PRELID2: variants seen among roughly 807,000 people sequenced by gnomAD.
The protein encoded by PRELID2 is PRELI domain-containing protein 2.
PRELID2 carries 25 observed loss-of-function variants against 28.4 expected under a neutral mutation model. The ratio of observed to expected loss-of-function variants is 0.88; its 90% CI spans 0.64 to 1.23. The LOEUF is 1.23. Among genes scored for constraint, PRELID2 ranks in the 50% most tolerant of loss-of-function variants. PRELID2 has a pLI of 0.00. For missense variants in PRELID2, 201 were observed against 214.4 expected (o/e 0.94, Z 0.39); for synonymous variants, 76 against 71.6 (o/e 1.06, Z -0.31).
chr5:145,257,875 C>T, the PRELID2 span, among the ~76,000 whole-genome samples: 1 of 152,054 alleles, frequency 6.6e-6, no homozygotes, highest in Non-Finnish European at 1.5e-5. Context: ...GGAGGTGGGG[C>T]CTGGCGGGAG....
the PRELID2 span, among the ~76,000 whole-genome samples, chr5:145,411,867 G>A: frequency 2.0e-5 from 3 of 152,138 alleles, no homozygotes; most frequent in Non-Finnish European, 4.4e-5. Flanking sequence ...CTTGTCTTCT[G>A]CACACCTGCA....
the PRELID2 span, among the ~76,000 whole-genome samples, chr5:145,272,414 C>T: frequency 1.3e-5 from 2 of 152,098 alleles, no homozygotes; most frequent in Admixed American, 6.6e-5. Context: ...GGTCTCGGAG[C>T]ACTCAATCTT....
At chr5:145,741,612 T>A (rs1333531119) in intron 1 of PRELID2, among the ~76,000 whole-genome samples, 3 of 14,228 alleles carry the variant, frequency 2.1e-4, no homozygotes, top group Admixed American at 9.5e-4. Flanking sequence ...TATAATTTAT[T>A]TATATATAAA....
intron 1 of PRELID2, among the ~76,000 whole-genome samples, chr5:145,691,488 G>A (rs937246566): frequency 1.3e-5 from 2 of 152,062 alleles, no homozygotes; most frequent in East Asian, 1.9e-4. Context: ...GGGGGATCAC[G>A]AGGTCAGGAG....
At position 145,498,185 on chromosome 5, in the gene PRELID2, T is replaced by TAA. The variant is rs34153276; in HGVS notation, n.71-24872_71-24871dup. Among the ~76,000 whole-genome samples the TAA allele has an allele frequency of 7.3e-5, 11 of 151,278 alleles. No homozygotes were observed. In the South Asian group the frequency reaches 1.2e-3, roughly 17 times the overall value. On this transcript the variant is annotated intron_variant and non_coding_transcript_variant, in intron 1 of 2. Transcript: ENST00000510259. ...AACTATAAAATAATTTAAAACAAGG[T>TAA]AAAAAAAAACTAAATTAGGAAGCTA...
chr5:145,592,136 G>T (rs1443862024), intron 1 of PRELID2, among the ~76,000 whole-genome samples: 1 of 152,178 alleles, frequency 6.6e-6, no homozygotes, highest in Admixed American at 6.5e-5. Context: ...TGTTAAATCA[G>T]CCAGGCACGG....
intron 1 of PRELID2, among the ~76,000 whole-genome samples, chr5:145,736,681 G>A (rs911318760): frequency 2.0e-5 from 3 of 152,090 alleles, no homozygotes; most frequent in Non-Finnish European, 4.4e-5. Context: ...GCAGATAGAT[G>A]AGCAACTGAC....
At chr5:145,815,999 AT>A (rs1754274671) in intron 4 of PRELID2, among the ~76,000 whole-genome samples, 1 of 149,816 alleles carries the variant, frequency 6.7e-6, no homozygotes, top group African/African-American at 2.5e-5. Flanking sequence ...CAGCTGCACC[AT>A]TTTATATTCC....
the PRELID2 span, among the ~76,000 whole-genome samples, chr5:145,236,552 C>G: frequency 6.6e-6 from 1 of 152,228 alleles, no homozygotes; most frequent in African/African-American, 2.4e-5. Context: ...AAGTCTAGCT[C>G]CTAAAACCCA....
At chr5:145,381,361 G>A in the PRELID2 span, among the ~76,000 whole-genome samples, 1 of 152,106 alleles carries the variant, frequency 6.6e-6, no homozygotes, top group Non-Finnish European at 1.5e-5. Flanking sequence ...CACAGAGTGG[G>A]GAGCCCCAAA....
intron 2 of PRELID2, among the ~76,000 whole-genome samples, chr5:145,821,343 G>A (rs569250942): frequency 2.4e-4 from 36 of 151,222 alleles, no homozygotes; most frequent in Admixed American, 1.1e-3. Context: ...GTATGTGTGT[G>A]TAAGCCCTCG....
chr5:145,821,181 G>GTGTGTGTGTGTGTGTGTGTGTGTGTGTT (rs1754776267), intron 2 of PRELID2, among the ~76,000 whole-genome samples: 1 of 86,914 alleles, frequency 1.2e-5, no homozygotes, highest in Non-Finnish European at 2.8e-5. Flanking sequence ...GTGTGTGTGT[G>GTGTGTGTGTGTGTGTGTGTGTGTGTGTT]TAAGTCCTCT....
the PRELID2 span, among the ~76,000 whole-genome samples, chr5:145,389,879 A>G: frequency 6.6e-6 from 1 of 151,374 alleles, no homozygotes; most frequent in East Asian, 1.9e-4. Flanking sequence ...ATCAGACCAA[A>G]GTGAAAAATA....
intron 1 of PRELID2, among the ~76,000 whole-genome samples, chr5:145,475,108 G>A (rs1450708568): frequency 6.6e-6 from 1 of 152,214 alleles, no homozygotes; most frequent in Non-Finnish European, 1.5e-5. Flanking sequence ...CAGGGTATGT[G>A]CATGTTATTC....
chr5:145,620,579 T>TAA (rs1753760776), intron 1 of PRELID2, among the ~76,000 whole-genome samples: 3 of 151,880 alleles, frequency 2.0e-5, no homozygotes, highest in African/African-American at 7.3e-5. Flanking sequence ...AAATTTTTTT[T>TAA]AAAAAGTCCA....
chr5:145,450,770 G>T, the PRELID2 span: 12 of 152,184 alleles, frequency 7.9e-5, no homozygotes, highest in African/African-American at 2.9e-4. Flanking sequence ...AAGACAGTCT[G>T]CCTAGCCAGA....
chr5:145,638,571 G>A (rs942384092), intron 1 of PRELID2, among the ~76,000 whole-genome samples: 18 of 152,130 alleles, frequency 1.2e-4, no homozygotes, highest in African/African-American at 2.9e-4. Flanking sequence ...CACTATATAC[G>A]TAGAGCCTTA....
chr5:145,792,326 C>T (rs991015017), intron 5 of PRELID2, among the ~76,000 whole-genome samples: 3 of 152,146 alleles, frequency 2.0e-5, no homozygotes, highest in Non-Finnish European at 4.4e-5. Flanking sequence ...ATAACATTTC[C>T]TATTTCATTA....
At chr5:145,494,052 T>C (rs1231731245) in intron 1 of PRELID2, among the ~76,000 whole-genome samples, 1 of 152,186 alleles carries the variant, frequency 6.6e-6, no homozygotes, top group Non-Finnish European at 1.5e-5. Flanking sequence ...ATTCACACAC[T>C]GTGCATAACA....
Sources: allele counts gnomAD v4.1 joint callset (sites outside exome capture counted in the v4.1 genomes callset), GRCh38; gene constraint gnomAD v4.1.1; transcripts MANE v1.5; gene names NCBI Gene and HGNC (gene_info 2026-07-23, HGNC 2026-07-21).